WDR41: variants seen among roughly 807,000 people sequenced by gnomAD.
WDR41 encodes WD repeat domain 41, also known as WD repeat-containing protein 41.
Under a neutral mutation model 69.3 loss-of-function variants are expected in WDR41, and 63 were observed. The ratio of observed to expected loss-of-function variants is 0.91; its 90% CI spans 0.74 to 1.12. The LOEUF (loss-of-function observed/expected upper bound fraction) is 1.12. Ranked by LOEUF, WDR41 falls within the 50% of genes most tolerant of loss-of-function variation. The pLI, the probability that WDR41 is intolerant of heterozygous loss-of-function variation, is 0.00. For synonymous variants in WDR41, 185 were observed against 192.1 expected (o/e 0.96, Z 0.31); for missense variants, 543 against 534.5 (o/e 1.02, Z -0.16).
chr5:77,433,402 G>A, intron 12 of WDR41, 115 bp from the exon 13 acceptor site: 1 of 780,080 alleles, frequency 1.3e-6, no homozygotes, highest in African/African-American at 1.8e-5. Flanking sequence ...TTGGATCTGG[G>A]TGTAGAACTT....
intron 1 of WDR41, among the ~76,000 whole-genome samples, chr5:77,593,599 C>A (rs975110268): frequency 6.6e-6 from 1 of 152,014 alleles, no homozygotes; most frequent in Non-Finnish European, 1.5e-5. Context: ...TAAAAATAAA[C>A]TATTATCTGA....
At chr5:77,556,542 G>C (rs1207853534) in intron 1 of WDR41, among the ~76,000 whole-genome samples, 1 of 152,086 alleles carries the variant, frequency 6.6e-6, no homozygotes, top group Non-Finnish European at 1.5e-5. Context: ...CAAGTAGCTG[G>C]GATTACAGGC....
At chr5:77,513,880 T>C (rs1442404709) in intron 1 of WDR41, among the ~76,000 whole-genome samples, 3 of 151,874 alleles carry the variant, frequency 2.0e-5, no homozygotes, top group African/African-American at 7.3e-5. Context: ...AGTAGACAAA[T>C]TCTAATACCC....
At chr5:77,435,432 C>T (rs1798900294) in intron 12 of WDR41, among the ~76,000 whole-genome samples, 1 of 152,288 alleles carries the variant, frequency 6.6e-6, no homozygotes, top group East Asian at 1.9e-4. Context: ...TCCATGAGGG[C>T]AAGGACTGTT....
intron 1 of WDR41, among the ~76,000 whole-genome samples, chr5:77,615,734 T>C (rs983746102): frequency 6.8e-6 from 1 of 146,810 alleles, no homozygotes; most frequent in African/African-American, 2.5e-5. Flanking sequence ...TCACGCCTCC[T>C]GTAATCCCAG....
intron 1 of WDR41, among the ~76,000 whole-genome samples, chr5:77,537,558 C>T (rs115582758): frequency 6.6e-6 from 1 of 152,032 alleles, no homozygotes; most frequent in South Asian, 2.1e-4. Flanking sequence ...AGTACCTGGC[C>T]CTGGGGTCAT....
rs750799504 is a variant in WDR41, at chr5:77,438,348, G to GAATTCATTCATC, written c.895_896insGATGAATGAATT (p.Ala299delinsGlyTer). 1 of 1,613,720 alleles carries GAATTCATTCATC rather than the reference G, an allele frequency of 6.2e-7. No homozygotes were observed. ...ATACACGTATAAACCCCTTCCAACT[G>GAATTCATTCATC]CAGCAAATACATTCTAGGGGAAGAA... On this transcript the variant is annotated stop_gained and protein_altering_variant, in exon 10 of 13. Transcript: ENST00000296679. LOFTEE classifies it high-confidence loss of function.
At position 77,466,140 on chromosome 5, in the gene WDR41, T is replaced by G. The variant is rs889815917; in HGVS notation, c.168-1331A>C. Among the ~76,000 whole-genome samples, 5 of 151,826 alleles carry G rather than the reference T, an allele frequency of 3.3e-5. No individual in the cohort carries two copies. The East Asian group carries it at 7.7e-4, about 24-fold the overall frequency. ...TTTAACAGAATGGACCTGTTAAATT[T>G]AGGTAACTAGCTAAAAATCACAAAG... On this transcript the variant is annotated intron_variant, in intron 2 of 12. Transcript: ENST00000296679.
At chr5:77,602,366 C>A (rs1744338787) in intron 1 of WDR41, among the ~76,000 whole-genome samples, 1 of 152,104 alleles carries the variant, frequency 6.6e-6, no homozygotes, top group South Asian at 2.1e-4. Flanking sequence ...TCTCGAACTC[C>A]CAACCTCAGG....
intron 2 of WDR41, among the ~76,000 whole-genome samples, chr5:77,468,172 C>CT (rs1184044183): frequency 6.6e-6 from 1 of 152,100 alleles, no homozygotes; most frequent in African/African-American, 2.4e-5. Context: ...ATGTTTCATC[C>CT]TCTCATCCCC....
intron 1 of WDR41, among the ~76,000 whole-genome samples, chr5:77,570,484 C>T (rs867512069): frequency 1.2e-4 from 17 of 147,216 alleles, no homozygotes; most frequent in Middle Eastern, 6.8e-3. Flanking sequence ...GAAGATTATG[C>T]TTTACTATAT....
At chr5:77,494,935 GA>G (rs1247294910), upstream of WDR41, among the ~76,000 whole-genome samples, 1 of 152,092 alleles carries the variant, frequency 6.6e-6, no homozygotes, top group African/African-American at 2.4e-5. Context: ...TTAAAAGATA[GA>G]TATCACACAA....
At chr5:77,522,783 G>A (rs1802389384) in intron 1 of WDR41, among the ~76,000 whole-genome samples, 1 of 152,070 alleles carries the variant, frequency 6.6e-6, no homozygotes, top group Non-Finnish European at 1.5e-5. Context: ...AAAAGAGTAG[G>A]GAGTATGAGG....
At chr5:77,512,338 G>GAC (rs1802216523) in intron 1 of WDR41, among the ~76,000 whole-genome samples, 7 of 125,418 alleles carry the variant, frequency 5.6e-5, no homozygotes, top group African/African-American at 2.3e-4. Context: ...GAGTGAGAGA[G>GAC]AGAGAGAGAG....
Position 77,573,003 on chromosome 5 carries a change from CCAAT to C in WDR41, c.42+47472_42+47475del, listed in dbSNP as rs1192652874. 1.0e-3 allele frequency among the ~76,000 whole-genome samples: 159 copies of C among 152,258 alleles called. 1 individual carries two copies. The highest frequency in any genetic ancestry group is 4.0e-4 in the Non-Finnish European group (27 of 68,012). ...CTTCAAATCTCCCTCTCCTAGCATACCAATCAAAGTAAAAGAGCATGTACTCATT... is the reference window on the plus strand; with the variant it reads ...CTTCAAATCTCCCTCTCCTAGCATACCAAAGTAAAAGAGCATGTACTCATT... On this transcript the variant is annotated intron_variant, in intron 1 of 5. Coordinates refer to the WDR41 transcript ENST00000509971.
chr5:77,492,488 G>T, upstream of WDR41: 1 of 419,932 alleles, frequency 2.4e-6, no homozygotes, highest in Non-Finnish European at 4.2e-6. Flanking sequence ...GGCGATTGCG[G>T]GGCGCGCGCT....
At chr5:77,507,772 T>C (rs1332535933) in intron 1 of WDR41, among the ~76,000 whole-genome samples, 1 of 152,222 alleles carries the variant, frequency 6.6e-6, no homozygotes, top group African/African-American at 2.4e-5. Context: ...TTATTATGTA[T>C]CTTTATTGCA....
At chr5:77,540,723 T>G (rs1473332120) in intron 1 of WDR41, among the ~76,000 whole-genome samples, 9 of 78,336 alleles carry the variant, frequency 1.1e-4, no homozygotes, top group Non-Finnish European at 2.0e-4. Context: ...GAAAAGAATG[T>G]AGGGAGGGAG....
intron 2 of WDR41, among the ~76,000 whole-genome samples, chr5:77,476,517 T>C (rs1202730404): frequency 1.3e-5 from 2 of 152,060 alleles, no homozygotes; most frequent in Non-Finnish European, 2.9e-5. Flanking sequence ...GGGGCCAATA[T>C]TCAACATTCT....
Sources: allele counts gnomAD v4.1 joint callset (sites outside exome capture counted in the v4.1 genomes callset), GRCh38; gene constraint gnomAD v4.1.1; transcripts MANE v1.5; gene names NCBI Gene and HGNC (gene_info 2026-07-23, HGNC 2026-07-21).